Variants in TPRG1 observed in about 807,000 individuals in gnomAD.
The protein encoded by TPRG1 is tumor protein p63-regulated gene 1 protein.
TPRG1 carries 29 observed loss-of-function variants against 29.3 expected under a neutral mutation model. The ratio of observed to expected loss-of-function variants is 0.99; its 90% CI spans 0.74 to 1.35. TPRG1 has a LOEUF of 1.35. TPRG1 is among the 40% of genes most tolerant of loss of function. The pLI, the probability that TPRG1 is intolerant of heterozygous loss-of-function variation, is 0.00. For synonymous variants in TPRG1, 130 were observed against 116.8 expected (o/e 1.11, Z -0.73); for missense variants, 327 against 335.0 (o/e 0.98, Z 0.19).
chr3:189,211,648 A>G lies in TPRG1; in HGVS notation c.211-3644A>G, dbSNP rs1735277934. On this transcript the variant is annotated intron_variant, in intron 2 of 5. Transcript: ENST00000345063. ...CCTCTGACTTAGCTTCGGAGCTCCC[A>G]GCTAGAAGGGTCTTGAAGAATATTG... The G allele has an allele frequency of 3.9e-5, 6 of 152,148 alleles. No individual in the cohort carries two copies. The South Asian group carries it at 1.2e-3, about 32-fold the overall frequency. The allele number at this position is 152,148 out of a possible 1,614,324, so 9.4% of individuals were successfully genotyped here.
chr3:189,104,070 C>T (rs572804080), intron 1 of TPRG1, among the ~76,000 whole-genome samples: 10 of 152,172 alleles, frequency 6.6e-5, no homozygotes, highest in South Asian at 4.1e-4. Flanking sequence ...GAGCCAAGAA[C>T]GAAAGAGGTA....
intron 4 of TPRG1, among the ~76,000 whole-genome samples, chr3:189,297,513 G>C (rs1433553077): frequency 1.3e-5 from 2 of 152,070 alleles, no homozygotes; most frequent in Non-Finnish European, 2.9e-5. Context: ...CTTGTTCTTA[G>C]GTGGGGTTAG....
At chr3:189,047,861 T>G (rs1715074089) in intron 4 of TPRG1, among the ~76,000 whole-genome samples, 1 of 152,184 alleles carries the variant, frequency 6.6e-6, no homozygotes, top group African/African-American at 2.4e-5. Context: ...AGGCTCCACT[T>G]CTCATTCTAG....
chr3:189,107,649 A>G (rs1234591665), intron 1 of TPRG1, among the ~76,000 whole-genome samples: 1 of 152,138 alleles, frequency 6.6e-6, no homozygotes, highest in African/African-American at 2.4e-5. Context: ...ACCTGCATTC[A>G]GAAAATCATA....
chr3:189,172,911 C>T (rs1729001241), intron 1 of TPRG1, among the ~76,000 whole-genome samples: 1 of 152,162 alleles, frequency 6.6e-6, no homozygotes, highest in Admixed American at 6.5e-5. Context: ...CATACAGGCC[C>T]TGGGGAAATA....
intron 3 of TPRG1, among the ~76,000 whole-genome samples, chr3:189,014,217 A>G (rs1195610946): frequency 6.6e-6 from 1 of 152,194 alleles, no homozygotes; most frequent in African/African-American, 2.4e-5. Context: ...GAATTGCCTC[A>G]GGATTTGCTT....
intron 4 of TPRG1, among the ~76,000 whole-genome samples, chr3:189,283,761 A>G (rs1717553823): frequency 6.6e-6 from 1 of 152,196 alleles, no homozygotes; most frequent in Non-Finnish European, 1.5e-5. Flanking sequence ...GAAGGTAAAC[A>G]ATTATTTTCT....
rs142616978 is a variant in TPRG1 at position 189,045,492 on chromosome 3, T to G, written c.-463+21546T>G. 2.1e-4 allele frequency among the ~76,000 whole-genome samples: 32 copies of G among 152,382 alleles called. No individual in the cohort carries two copies. The East Asian group carries it at 6.2e-3, about 29-fold the overall frequency. On this transcript the variant is annotated intron_variant, in intron 4 of 10. Transcript: ENST00000433971. ...ATTAGATGTCTGGACTTCATTTTGA[T>G]GCTATCAATTATTAGCAGTTAATCG...
intron 4 of TPRG1, among the ~76,000 whole-genome samples, chr3:189,047,414 C>A (rs1237647029): frequency 6.6e-6 from 1 of 152,084 alleles, no homozygotes; most frequent in Non-Finnish European, 1.5e-5. Context: ...ATCATCTGAG[C>A]CTTAAGTGAG....
intron 1 of TPRG1, among the ~76,000 whole-genome samples, chr3:189,200,352 T>C (rs998774959): frequency 1.3e-5 from 2 of 152,238 alleles, no homozygotes; most frequent in Admixed American, 1.3e-4. Context: ...TATTGTTGTT[T>C]ATCCACCGCA....
At chr3:189,074,851 GCC>G (rs755660542) in intron 4 of TPRG1, among the ~76,000 whole-genome samples, 14 of 149,248 alleles carry the variant, frequency 9.4e-5, no homozygotes, top group Non-Finnish European at 1.8e-4. Flanking sequence ...TCGCTCTGTC[GCC>G]CAGGCTGGAG....
chr3:189,073,040 T>C (rs1208952989), intron 4 of TPRG1, among the ~76,000 whole-genome samples: 1 of 152,170 alleles, frequency 6.6e-6, no homozygotes, highest in Non-Finnish European at 1.5e-5. Context: ...AGTTATTGAA[T>C]TGAATTAGTA....
At position 189,158,462 on chromosome 3, in the gene TPRG1, C is replaced by T. The variant is rs997398430; in HGVS notation, c.-10+7590C>T. Among the ~76,000 whole-genome samples the T allele has an allele frequency of 7.2e-5, 11 of 151,790 alleles. No individual in the cohort carries two copies. In the East Asian group the frequency reaches 7.8e-4, roughly 11 times the overall value. On this transcript the variant is annotated intron_variant, in intron 5 of 6. Transcript: ENST00000412373. ...CGTCTCTACTAAAAATACAAAAATTCGCCAGGCGTGGTGGCTTGCGGCTGT... is the reference window on the plus strand; with the variant it reads ...CGTCTCTACTAAAAATACAAAAATTTGCCAGGCGTGGTGGCTTGCGGCTGT...
chr3:189,236,266 A>G (rs1409274619), intron 3 of TPRG1, among the ~76,000 whole-genome samples: 1 of 152,234 alleles, frequency 6.6e-6, no homozygotes, highest in African/African-American at 2.4e-5. Context: ...ACCTTTTAAA[A>G]TACATCTCAT....
chr3:189,238,934 G>A (rs1740019758), intron 4 of TPRG1, 25 bp downstream of exon 4: 1 of 1,568,754 alleles, frequency 6.4e-7, no homozygotes, highest in Non-Finnish European at 8.7e-7. Context: ...TATACTTGAA[G>A]AAGTGGTGCA....
At chr3:189,197,439 G>A (rs370092936) in intron 1 of TPRG1, among the ~76,000 whole-genome samples, 21 of 152,206 alleles carry the variant, frequency 1.4e-4, no homozygotes, top group African/African-American at 5.1e-4. Flanking sequence ...TGGTGACTTA[G>A]TCTTATTTAT....
chr3:189,206,064 TTTTTTCTTTCTTTC>T (rs1349784371), intron 1 of TPRG1, among the ~76,000 whole-genome samples: 4 of 96,624 alleles, frequency 4.1e-5, no homozygotes, highest in African/African-American at 1.1e-4. Flanking sequence ...TCTTTCTTTC[TTTTTTCTTTCTTTC>T]TTTTTCTTTC....
chr3:189,048,846 C>T (rs575892301), intron 4 of TPRG1, among the ~76,000 whole-genome samples: 2 of 152,296 alleles, frequency 1.3e-5, no homozygotes, highest in South Asian at 4.1e-4. Flanking sequence ...GAAAGGGAGA[C>T]CCTCCCGTCC....
At chr3:189,254,170 T>C (rs915506296) in intron 4 of TPRG1, among the ~76,000 whole-genome samples, 1 of 152,262 alleles carries the variant, frequency 6.6e-6, no homozygotes, top group African/African-American at 2.4e-5. Flanking sequence ...TGTTTAATTC[T>C]TTAATCCGTC....
Sources: gnomAD v4.1 joint callset for allele counts (sites outside exome capture counted in the v4.1 genomes callset) on GRCh38, gnomAD v4.1.1 for gene constraint, MANE v1.5 for transcripts, NCBI Gene and HGNC (gene_info 2026-07-23, HGNC 2026-07-21) for gene names.